Variants in ADA observed in about 807,000 individuals in gnomAD.
ADA encodes adenosine deaminase, also known as adenosine aminohydrolase.
A neutral mutation model predicts 49.0 loss-of-function variants in ADA; 45 were observed. The observed-to-expected ratio is 0.92, with a 90% CI of 0.72 to 1.18. ADA has a LOEUF of 1.18. Ranked by LOEUF, ADA falls within the 50% of genes most tolerant of loss-of-function variation. The pLI is 0.00. For synonymous variants in ADA, 173 were observed against 184.2 expected (o/e 0.94, Z 0.49); for missense variants, 445 against 472.5 (o/e 0.94, Z 0.54).
intron 1 of ADA, among the ~76,000 whole-genome samples, chr20:44,637,479 T>C (rs991402144): frequency 1.6e-4 from 24 of 152,154 alleles, no homozygotes; most frequent in Non-Finnish European, 2.9e-5. Flanking sequence ...AAAGGGACTT[T>C]GCTGTTCCTG....
chr20:44,623,770 C>G lies in ADA; in HGVS notation c.606+432G>C, dbSNP rs1439010471. 2.1e-4 allele frequency among the ~76,000 whole-genome samples: 29 copies of G among 138,118 alleles called. 1 individual carries two copies. The highest frequency in any genetic ancestry group is 8.0e-4 in the African/African-American group (28 of 35,220). 90.6% of individuals were successfully genotyped at this position (138,118 alleles called of 152,430 possible). A position where few individuals can be genotyped will look rare whatever the true frequency, so the allele number is the denominator to read the frequency against. ...TTCTTCCTTTTTTTTTTTTTTGAGA[C>G]AGGGTCTCCCTCTGTCACCCAGGCT... On this transcript the variant is annotated intron_variant, in intron 6 of 11. Coordinates refer to ENST00000372874, the MANE Select transcript of ADA (RefSeq NM_000022.4).
At chr20:44,638,393 T>G (rs2065499788) in intron 1 of ADA, among the ~76,000 whole-genome samples, 2 of 152,064 alleles carry the variant, frequency 1.3e-5, no homozygotes. Context: ...CTGGCCAACA[T>G]GGTGAAACCC....
rs1321327280 is a variant in ADA at position 44,645,357 on chromosome 20, C to G, written c.33+6218G>C. Among the ~76,000 whole-genome samples the G allele has an allele frequency of 5.1e-5, 3 of 58,462 alleles. 1 individual carries two copies. The South Asian group carries it at 1.5e-3, about 30-fold the overall frequency. 38.4% of individuals were successfully genotyped at this position (58,462 alleles called of 152,430 possible). ...TGGGTGACAGAGGAAGACTCCAGCT[C>G]AAAAAAAAAAAAAAAAAAAAAGTCA... On this transcript the variant is annotated intron_variant, in intron 1 of 11. Coordinates refer to ENST00000372874, the MANE Select transcript of ADA (RefSeq NM_000022.4).
At position 44,629,038 on chromosome 20, in the gene ADA, G is replaced by A; in HGVS notation, c.218+9C>T. 1 of 1,614,170 alleles carries A rather than the reference G, an allele frequency of 6.2e-7. No individual in the cohort carries two copies. The highest frequency in any genetic ancestry group is 1.1e-5 in the South Asian group (1 of 91,088). On this transcript the variant is annotated intron_variant, in intron 3 of 11. Coordinates refer to ENST00000372874, the MANE Select transcript of ADA (RefSeq NM_000022.4). ...CTGCCCTAGGACCTGTGGGTTGGGG[G>A]CAACTCACGCGATAGCAGGCATGTA...
At chr20:44,650,437 C>CTT (rs3831638) in intron 1 of ADA, among the ~76,000 whole-genome samples, 40 of 151,516 alleles carry the variant, frequency 2.6e-4, no homozygotes, top group African/African-American at 8.5e-4. Context: ...TTTTTCTTCT[C>CTT]TTTTTTTTGA....
At chr20:44,636,403 C>T in intron 1 of ADA, 115 bp from the exon 2 acceptor site, 4 of 905,734 alleles carry the variant, frequency 4.4e-6, no homozygotes, top group Non-Finnish European at 7.0e-6. Flanking sequence ...AACCATTAGC[C>T]ACCATTTTAC....
At chr20:44,630,111 C>A (rs1014952889) in intron 2 of ADA, among the ~76,000 whole-genome samples, 1 of 151,830 alleles carries the variant, frequency 6.6e-6, no homozygotes, top group African/African-American at 2.4e-5. Flanking sequence ...GCCTCCCAGG[C>A]CAAGGTGCGA....
At position 44,621,466 on chromosome 20, in the gene ADA, G is replaced by A. The variant is rs116329510; in HGVS notation, c.846-319C>T. On this transcript the variant is annotated intron_variant, in intron 9 of 11. Transcript: ENST00000372874. ...AGCCAAGAAAGCAACATCCCCCTCCGGCTGCCACCCTCTCCAGCCTTCCCC... is the reference window on the plus strand; with the variant it reads ...AGCCAAGAAAGCAACATCCCCCTCCAGCTGCCACCCTCTCCAGCCTTCCCC... 0.011 allele frequency among the ~76,000 whole-genome samples: 1,664 copies of A among 152,092 alleles called. 31 individuals carry two copies. Among genetic ancestry groups the A allele is most frequent in the African/African-American group, 0.038 (1,594 of 41,474 alleles).
intron 1 of ADA, 102 bp downstream of exon 1, chr20:44,651,473 C>T: frequency 8.5e-7 from 1 of 1,181,266 alleles, no homozygotes; most frequent in Non-Finnish European, 1.2e-6. Context: ...CAGGAGCCCC[C>T]GTTCGTTCCC....
At chr20:44,642,772 G>T (rs533604005) in intron 1 of ADA, among the ~76,000 whole-genome samples, 4 of 152,302 alleles carry the variant, frequency 2.6e-5, no homozygotes, top group African/African-American at 9.6e-5. Flanking sequence ...ATCTGATTGG[G>T]ATTTGAATAA....
rs531682690 is a variant in ADA at position 44,632,938 on chromosome 20, C to T, written c.95+3289G>A. On this transcript the variant is annotated intron_variant, in intron 2 of 11. Coordinates refer to ENST00000372874, the MANE Select transcript of ADA (RefSeq NM_000022.4). ...TGAACTCCTGACCTCAGGTGATCCA[C>T]CCGCCTTGGCCTCCCAAAGTGCTGG... Among the ~76,000 whole-genome samples the T allele has an allele frequency of 2.6e-5, 4 of 152,380 alleles. No homozygotes were observed. The East Asian group carries it at 5.8e-4, about 22-fold the overall frequency.
chr20:44,634,351 G>A (rs1285146044), intron 2 of ADA, among the ~76,000 whole-genome samples: 1 of 152,216 alleles, frequency 6.6e-6, no homozygotes, highest in Non-Finnish European at 1.5e-5. Context: ...CATTTATGGA[G>A]CACATTAATG....
chr20:44,641,391 G>A (rs899520217), intron 1 of ADA, among the ~76,000 whole-genome samples: 2 of 152,192 alleles, frequency 1.3e-5, no homozygotes, highest in African/African-American at 4.8e-5. Flanking sequence ...AGAAGTGGAG[G>A]TAAGAAGAGG....
At chr20:44,622,766 C>G (rs886337650) in intron 8 of ADA, 63 bp downstream of exon 8, 5 of 1,614,076 alleles carry the variant, frequency 3.1e-6, no homozygotes, top group East Asian at 2.2e-5. Flanking sequence ...CTGCTTTCTG[C>G]CTCTCTATAC....
At chr20:44,633,343 C>T (rs1212004153) in intron 2 of ADA, among the ~76,000 whole-genome samples, 2 of 152,226 alleles carry the variant, frequency 1.3e-5, no homozygotes, top group Admixed American at 1.3e-4. Flanking sequence ...AGCTCTGTGA[C>T]TTAAAGGCTG....
intron 1 of ADA, among the ~76,000 whole-genome samples, chr20:44,648,186 T>A (rs1333917905): frequency 6.6e-6 from 1 of 152,046 alleles, no homozygotes; most frequent in South Asian, 2.1e-4. Context: ...CCTGTGAACA[T>A]AGGCTGATAA....
At chr20:44,622,192 G>A (rs925300222) in intron 9 of ADA, among the ~76,000 whole-genome samples, 1 of 152,248 alleles carries the variant, frequency 6.6e-6, no homozygotes, top group African/African-American at 2.4e-5. Flanking sequence ...TGGCGCTCAG[G>A]GGAATGCCCA....
rs368607629 is a variant in ADA, at chr20:44,622,982, C to T, written c.678+25G>A. 1.8e-5 allele frequency: 29 copies of T among 1,614,120 alleles called. No individual in the cohort carries two copies. The African/African-American group carries it at 3.3e-4, about 19-fold the overall frequency. ...TATGGGAGGAGGCAGTGAGGAGGGA[C>T]CCCATGGCCAGCCCAGGCCCTCACC... On this transcript the variant is annotated intron_variant, in intron 7 of 11. Transcript: ENST00000372874.
At chr20:44,625,085 T>A (rs138919739) in intron 5 of ADA, among the ~76,000 whole-genome samples, 1 of 152,328 alleles carries the variant, frequency 6.6e-6, no homozygotes, top group Non-Finnish European at 1.5e-5. Flanking sequence ...TCTTGGTGCA[T>A]AACCAGAGCA....
Sources: allele counts gnomAD v4.1 joint callset (sites outside exome capture counted in the v4.1 genomes callset), GRCh38; gene constraint gnomAD v4.1.1; transcripts MANE v1.5; gene names NCBI Gene and HGNC (gene_info 2026-07-23, HGNC 2026-07-21).